FAM156A: variants seen among roughly 807,000 people sequenced by gnomAD.
FAM156A encodes the protein protein FAM156A/FAM156B.
intron 1 of FAM156A, among the ~76,000 whole-genome samples, chrX:52,986,697 A>G (rs1930316002): frequency 9.0e-6 from 1 of 111,261 alleles, no homozygotes; most frequent in Non-Finnish European, 1.9e-5. Flanking sequence ...AATTAGAAGG[A>G]GGCTTGCTTA....
intron 1 of FAM156A, among the ~76,000 whole-genome samples, chrX:52,987,647 CAAAA>C: frequency 1.4e-5 from 1 of 71,684 alleles, no homozygotes; most frequent in African/African-American, 5.2e-5. Context: ...GACCCTGTCT[CAAAA>C]AAAAAAAAAA....
At chrX:52,975,793 T>G (rs2146594349) in intron 1 of FAM156A, among the ~76,000 whole-genome samples, 1 of 112,375 alleles carries the variant, frequency 8.9e-6, no homozygotes, top group Non-Finnish European at 1.9e-5. Context: ...GCCAGGGCCA[T>G]GTGCTGCCAA....
At chrX:52,980,979 T>A (rs1011121062) in intron 1 of FAM156A, among the ~76,000 whole-genome samples, 11 of 107,592 alleles carry the variant, frequency 1.0e-4, no homozygotes, top group Non-Finnish European at 2.1e-4. Context: ...GAGGCAGAAT[T>A]TTTTCTTCAT....
At chrX:52,987,687 A>G (rs927432447) in intron 1 of FAM156A, among the ~76,000 whole-genome samples, 2 of 108,086 alleles carry the variant, frequency 1.9e-5, no homozygotes, top group African/African-American at 7.1e-5. Flanking sequence ...ATTTTTGTGG[A>G]TAGTTCAACA....
chrX:52,992,337 G>A (rs1023787723), intron 1 of FAM156A, among the ~76,000 whole-genome samples: 4 of 111,998 alleles, frequency 3.6e-5, no homozygotes, highest in African/African-American at 1.3e-4. Flanking sequence ...TCCCCTGAGA[G>A]GTGGTGTTCC....
At chrX:52,985,638 G>T (rs782770372) in intron 1 of FAM156A, among the ~76,000 whole-genome samples, 3 of 111,431 alleles carry the variant, frequency 2.7e-5, no homozygotes, top group Non-Finnish European at 5.7e-5. Flanking sequence ...TTTAATACAA[G>T]TTAGAGACCC....
Position 52,980,780 on chromosome X carries a change from C to CTG in FAM156A, c.-434+14525_-434+14526insCA, listed in dbSNP as rs1569204366. 8.2e-4 allele frequency among the ~76,000 whole-genome samples: 51 copies of CTG among 61,836 alleles called. 5 individuals carry two copies. The Admixed American group carries it at 0.01, about 13-fold the overall frequency. The allele number at this position is 61,836 out of a possible 115,157, so 53.7% of individuals were successfully genotyped here. On this transcript the variant is annotated intron_variant, in intron 1 of 4. Transcript: ENST00000610625. ...GTAAGCAGCCTTTTGGTTAGGGTTC[C>CTG]TCTGTGTGTGTGTGTGTGTGTGTGT...
intron 1 of FAM156A, among the ~76,000 whole-genome samples, chrX:52,988,170 C>T (rs1930434260): frequency 9.3e-6 from 1 of 107,252 alleles, no homozygotes; most frequent in East Asian, 2.9e-4. Context: ...CGCTTGAACC[C>T]GGGAGATGGA....
intron 1 of FAM156A, among the ~76,000 whole-genome samples, chrX:52,983,600 C>T (rs1382554597): frequency 2.7e-5 from 3 of 111,801 alleles, no homozygotes; most frequent in Admixed American, 9.5e-5. Flanking sequence ...TTTTTCCCTC[C>T]CACCTGGAGG....
intron 1 of FAM156A, among the ~76,000 whole-genome samples, chrX:52,975,909 G>A (rs1929434914): frequency 9.0e-6 from 1 of 111,613 alleles, no homozygotes; most frequent in South Asian, 3.7e-4. Context: ...GGGTGTTTTG[G>A]TTTCTTTCAA....
At chrX:52,983,297 G>A (rs1930031064) in intron 1 of FAM156A, among the ~76,000 whole-genome samples, 1 of 112,061 alleles carries the variant, frequency 8.9e-6, no homozygotes, top group Non-Finnish European at 1.9e-5. Context: ...CCCTGAAGGG[G>A]ATGGTCCCTC....
At chrX:52,975,955 G>C (rs1386308801) in intron 1 of FAM156A, among the ~76,000 whole-genome samples, 9 of 111,204 alleles carry the variant, frequency 8.1e-5, no homozygotes, top group African/African-American at 2.6e-4. Context: ...GGATGCCTGG[G>C]GGTCTTCAGC....
chrX:52,987,167 G>A (rs1930349999), intron 1 of FAM156A, among the ~76,000 whole-genome samples: 1 of 111,306 alleles, frequency 9.0e-6, no homozygotes, highest in African/African-American at 3.3e-5. Context: ...ACCATCAGAA[G>A]CTAATGAAAG....
chrX:52,978,759 A>T (rs1183744371), intron 1 of FAM156A, among the ~76,000 whole-genome samples: 4 of 112,251 alleles, frequency 3.6e-5, no homozygotes, highest in Non-Finnish European at 5.6e-5. Context: ...CATAACAGGC[A>T]GCACGTCAGT....
At chrX:52,990,796 A>G (rs868932198) in intron 1 of FAM156A, among the ~76,000 whole-genome samples, 4 of 53,284 alleles carry the variant, frequency 7.5e-5, no homozygotes, top group Non-Finnish European at 1.5e-4. Context: ...AGAAAAGAAA[A>G]GAAAGAAAAG....
intron 1 of FAM156A, among the ~76,000 whole-genome samples, chrX:52,995,015 C>T: frequency 1.8e-5 from 2 of 110,956 alleles, no homozygotes; most frequent in Middle Eastern, 9.2e-3. Context: ...TATCCAGACA[C>T]ATAGGCACAC....
intron 1 of FAM156A, among the ~76,000 whole-genome samples, chrX:52,990,791 AG>A (rs1930675016): frequency 1.3e-5 from 1 of 79,879 alleles, no homozygotes; most frequent in African/African-American, 4.8e-5. Context: ...AGAAAAGAAA[AG>A]AAAAGAAAGA....
chrX:52,992,035 A>C (rs1053301164), intron 1 of FAM156A, among the ~76,000 whole-genome samples: 1 of 106,117 alleles, frequency 9.4e-6, no homozygotes, highest in Non-Finnish European at 1.9e-5. Context: ...ACCCTGCCTC[A>C]ACTACTAGAC....
intron 1 of FAM156A, among the ~76,000 whole-genome samples, chrX:52,987,997 T>C (rs1930417319): frequency 8.9e-6 from 1 of 111,862 alleles, no homozygotes; most frequent in Non-Finnish European, 1.9e-5. Context: ...ATGCCTATAA[T>C]CCCAGCACTT....
Sources: gnomAD v4.1 joint callset for allele counts (sites outside exome capture counted in the v4.1 genomes callset) on GRCh38, gnomAD v4.1.1 for gene constraint, MANE v1.5 for transcripts, NCBI Gene and HGNC (gene_info 2026-07-23, HGNC 2026-07-21) for gene names.